The following RCL1 variants were observed in gnomAD, a reference collection of about 807,000 sequenced individuals.
The protein encoded by RCL1 is RNA 3'-terminal phosphate cyclase-like protein.
A neutral mutation model predicts 42.4 loss-of-function variants in RCL1; 24 were observed. The ratio of observed to expected loss-of-function variants is 0.57; its 90% CI spans 0.41 to 0.80. The LOEUF is 0.80. RCL1 is among the 30% of genes least tolerant of loss of function. RCL1 has a pLI of 0.00. For synonymous variants in RCL1, 228 were observed against 177.3 expected, an observed-to-expected ratio of 1.29 and a Z score of -2.27; for missense variants, 578 against 467.9, an observed-to-expected ratio of 1.24 and a Z score of -2.17.
At chr9:4,827,320 G>T (rs1244666713) in intron 3 of RCL1, 2 of 1,164,978 alleles carry the variant, frequency 1.7e-6, no homozygotes. Flanking sequence ...ATGAACTATA[G>T]TTCTGCTGGC....
At chr9:4,846,738 T>C (rs1817528303) in intron 7 of RCL1, among the ~76,000 whole-genome samples, 1 of 152,140 alleles carries the variant, frequency 6.6e-6, no homozygotes, top group Admixed American at 6.5e-5. Context: ...ATTAGAAGCA[T>C]CACATTATAC....
intron 5 of RCL1, chr9:4,839,928 G>T: frequency 1.0e-6 from 1 of 985,590 alleles, no homozygotes; most frequent in South Asian, 4.7e-5. Context: ...GGGACCTCGG[G>T]CTGGGAGAAT....
At position 4,849,488 on chromosome 9, in the gene RCL1, A is replaced by C. The variant is rs544175370; in HGVS notation, c.909A>C (p.Leu303=). 1.6e-5 allele frequency: 26 copies of C among 1,613,748 alleles called. No homozygotes were observed. The highest frequency in any genetic ancestry group is 1.9e-5 in the Non-Finnish European group (22 of 1,179,956). Residue 303 remains leucine, a synonymous_variant, in exon 8 of 9, where the codon CTA becomes CTC. Coordinates refer to ENST00000381750, the MANE Select transcript of RCL1 (RefSeq NM_005772.5). The part of the protein sequence containing the change: ...VDSTNQSLAL[L]LMTLGQQDVS... ...CGACCAACCAAAGCCTGGCGCTACT[A>C]CTCATGACCCTTGGACAGCAGGATG...
chr9:4,813,090 A>C (rs468471), intron 1 of RCL1, among the ~76,000 whole-genome samples: 52,280 of 152,000 alleles, frequency 0.34, 10,525 homozygotes, highest in Non-Finnish European at 0.45. Context: ...TTTGGCTAGG[A>C]TAGGACTTCC....
chr9:4,834,007 G>A, intron 4 of RCL1, 134 bp from the exon 5 acceptor site: 1 of 974,844 alleles, frequency 1.0e-6, no homozygotes, highest in South Asian at 1.7e-5. Flanking sequence ...GTCTTGAAGG[G>A]AATGACAGAT....
chr9:4,841,776 T>C (rs1817340237), intron 6 of RCL1, among the ~76,000 whole-genome samples: 1 of 152,228 alleles, frequency 6.6e-6, no homozygotes, highest in African/African-American at 2.4e-5. Context: ...ACAACATATT[T>C]ACATCCAGAG....
rs374935798 is a variant in RCL1 at position 4,820,670 on chromosome 9, A to G, written c.137-2878A>G. Among the ~76,000 whole-genome samples the G allele has an allele frequency of 2.6e-5, 4 of 152,344 alleles. No homozygotes were observed. In the South Asian group the frequency reaches 8.3e-4, roughly 32 times the overall value. ...GCTTGTTCCTCTATCCCATTTAGAC[A>G]CTTAGAAAGTTTGAACAAATCAAGG... On this transcript the variant is annotated intron_variant, in intron 1 of 8. Transcript: ENST00000381750.
At position 4,860,359 on chromosome 9, in the gene RCL1, TAATCC is replaced by T; in HGVS notation, c.*86_*90del. 1 of 1,443,258 alleles carries T rather than the reference TAATCC, an allele frequency of 6.9e-7. No individual in the cohort carries two copies. The highest frequency in any genetic ancestry group is 1.3e-5 in the South Asian group (1 of 77,626). The allele number at this position is 1,443,258 out of a possible 1,614,324, so 89.4% of individuals were successfully genotyped here. A position where few individuals can be genotyped will look rare whatever the true frequency, so the allele number is the denominator to read the frequency against. On this transcript the variant is annotated 3_prime_UTR_variant, in exon 9 of 9. Coordinates refer to ENST00000381750, the MANE Select transcript of RCL1 (RefSeq NM_005772.5). The stretch of plus-strand genomic sequence containing the variant: ...CCAATGGGACCAAGTCCAAATGGAT[TAATCC>T]AGGACAGAATAGCCACTTGCTTAAT...
At position 4,837,814 on chromosome 9, in the gene RCL1, C is replaced by T. The variant is rs145069720; in HGVS notation, c.585-3418C>T. On this transcript the variant is annotated intron_variant, in intron 5 of 8. Transcript: ENST00000381750. ...GTGTAGAATCTGAGCCAGGAAGAGA[C>T]TTGTGAGGTCCCAAGTTCCTCCCTC... Among the ~76,000 whole-genome samples the T allele has an allele frequency of 2.4e-3, 360 of 152,284 alleles. 5 individuals carry two copies. Among genetic ancestry groups the T allele is most frequent in the African/African-American group, 8.3e-3 (346 of 41,554 alleles).
In RCL1 at chr9:4,799,875, C is replaced by T. The variant is rs76206590; in HGVS notation, c.136+6648C>T. Among the ~76,000 whole-genome samples, 1,382 of 152,266 alleles carry T rather than the reference C, an allele frequency of 9.1e-3. 24 individuals are homozygous for T. Among genetic ancestry groups the T allele is most frequent in the African/African-American group, 0.031 (1,308 of 41,536 alleles). On this transcript the variant is annotated intron_variant, in intron 1 of 8. Coordinates refer to ENST00000381750, the MANE Select transcript of RCL1 (RefSeq NM_005772.5). Reference sequence around the variant, plus strand: ...GACTCTGGAATCAAACCCTGATTCCCTGTCACCCATGGTCACCGTGGTAGG... The same window carrying T: ...GACTCTGGAATCAAACCCTGATTCCTTGTCACCCATGGTCACCGTGGTAGG...
chr9:4,808,560 C>T (rs975231266), intron 1 of RCL1, among the ~76,000 whole-genome samples: 11 of 152,166 alleles, frequency 7.2e-5, no homozygotes, highest in African/African-American at 9.7e-5. Flanking sequence ...CCACCTGCCT[C>T]GGCCTCCCAG....
chr9:4,823,974 A>G (rs1233342114), intron 2 of RCL1, among the ~76,000 whole-genome samples: 1 of 152,166 alleles, frequency 6.6e-6, no homozygotes, highest in Non-Finnish European at 1.5e-5. Flanking sequence ...TTTTCCAGAG[A>G]CATACATGAA....
chr9:4,821,738 C>G (rs1000390755), intron 1 of RCL1, among the ~76,000 whole-genome samples: 9 of 152,188 alleles, frequency 5.9e-5, no homozygotes, highest in African/African-American at 2.2e-4. Flanking sequence ...CCTCAGCCTC[C>G]TGAGTGGCTG....
At chr9:4,832,884 A>T (rs138370875) in intron 3 of RCL1, among the ~76,000 whole-genome samples, 1 of 149,862 alleles carries the variant, frequency 6.7e-6, no homozygotes, top group African/African-American at 2.5e-5. Flanking sequence ...TGCTTTTTGC[A>T]TGATGCCTCT....
chr9:4,799,037 C>G (rs1842957149), intron 1 of RCL1, among the ~76,000 whole-genome samples: 2 of 122,896 alleles, frequency 1.6e-5, no homozygotes, highest in African/African-American at 3.1e-5. Flanking sequence ...TTCTTTCCCC[C>G]TTCCCCCCTC....
intron 3 of RCL1, chr9:4,827,293 G>C (rs753986616): frequency 8.0e-7 from 1 of 1,257,176 alleles, no homozygotes; most frequent in Non-Finnish European, 1.1e-6. Context: ...GATGCTCTCC[G>C]TCTCATCATA....
At chr9:4,793,904 C>G (rs892547687) in intron 1 of RCL1, among the ~76,000 whole-genome samples, 5 of 152,234 alleles carry the variant, frequency 3.3e-5, no homozygotes, top group Non-Finnish European at 2.9e-5. Flanking sequence ...AATCGCTAAA[C>G]TGCAGGCTTC....
intron 3 of RCL1, 96 bp from the exon 4 acceptor site, chr9:4,833,055 GCAT>G (rs1328621985): frequency 4.0e-5 from 31 of 778,706 alleles, no homozygotes; most frequent in Non-Finnish European, 6.6e-5. Context: ...TTACCACACT[GCAT>G]CATCTACCTG....
At chr9:4,830,625 C>T (rs1816912919) in intron 3 of RCL1, among the ~76,000 whole-genome samples, 1 of 152,142 alleles carries the variant, frequency 6.6e-6, no homozygotes. Flanking sequence ...TTTTCCAGTT[C>T]CCTCTTAGAG....
Sources: gnomAD v4.1 joint callset for allele counts (sites outside exome capture counted in the v4.1 genomes callset) on GRCh38, gnomAD v4.1.1 for gene constraint, MANE v1.5 for transcripts, NCBI Gene and HGNC (gene_info 2026-07-23, HGNC 2026-07-21) for gene names.